PTPN9: variants seen among roughly 807,000 people sequenced by gnomAD.
The protein encoded by PTPN9 is tyrosine-protein phosphatase non-receptor type 9.
In PTPN9, 26 loss-of-function variants were observed where a neutral mutation model predicts 69.8. The ratio of observed to expected loss-of-function variants is 0.37; its 90% confidence interval spans 0.27 to 0.52. PTPN9 has a LOEUF of 0.52. PTPN9 is among the 20% of genes least tolerant of loss of function. The probability of loss-of-function intolerance (pLI) is 0.91; values close to 1 mark genes in which losing one functional copy is unlikely to be tolerated. For missense variants in PTPN9, 549 were observed against 740.3 expected (o/e 0.74, Z 3.00); for synonymous variants, 274 against 272.5 (o/e 1.01, Z -0.05).
At chr15:75,572,953 C>G (rs1249134015) in intron 1 of PTPN9, among the ~76,000 whole-genome samples, 1 of 152,104 alleles carries the variant, frequency 6.6e-6, no homozygotes, top group African/African-American at 2.4e-5. Context: ...TTTTCTGTAT[C>G]TTTTCATCTG....
At chr15:75,472,178 G>A (rs759802151) in intron 10 of PTPN9, among the ~76,000 whole-genome samples, 26 of 151,718 alleles carry the variant, frequency 1.7e-4, no homozygotes, top group Admixed American at 1.1e-3. Context: ...AAAATCTTCC[G>A]GCCAGGCGCG....
At chr15:75,537,926 G>A (rs1052919375) in intron 1 of PTPN9, among the ~76,000 whole-genome samples, 30 of 151,494 alleles carry the variant, frequency 2.0e-4, no homozygotes, top group African/African-American at 6.3e-4. Context: ...GTGTGTGGTG[G>A]TGCCTGCCTG....
At chr15:75,557,223 G>A (rs553271924) in intron 1 of PTPN9, among the ~76,000 whole-genome samples, 13 of 151,898 alleles carry the variant, frequency 8.6e-5, no homozygotes, top group Non-Finnish European at 1.5e-4. Context: ...TCAGGAGTTC[G>A]AGACCAGCCT....
chr15:75,565,112 A>T (rs766454224), intron 1 of PTPN9, among the ~76,000 whole-genome samples: 47 of 55,724 alleles, frequency 8.4e-4, no homozygotes, highest in Non-Finnish European at 1.1e-3. Context: ...AAAAATATAT[A>T]ATAATAATAA....
chr15:75,576,805 C>G (rs1318067004), intron 1 of PTPN9, among the ~76,000 whole-genome samples: 1 of 151,610 alleles, frequency 6.6e-6, no homozygotes, highest in African/African-American at 2.4e-5. Flanking sequence ...GAGGCTCTGT[C>G]TCAAAAAAAC....
chr15:75,520,031 G>C (rs2074894356), intron 4 of PTPN9, among the ~76,000 whole-genome samples: 1 of 152,170 alleles, frequency 6.6e-6, no homozygotes, highest in Non-Finnish European at 1.5e-5. Context: ...TTGGGAGACA[G>C]AGGCAGGAGG....
rs544310145 is a variant in PTPN9, at chr15:75,568,081, T to C, written c.63+10633A>G. 1.6e-4 allele frequency among the ~76,000 whole-genome samples: 25 copies of C among 152,296 alleles called. No individual in the cohort carries two copies. The East Asian group carries it at 4.8e-3, about 29-fold the overall frequency. ...GAAAAATCATCTCTAATCTACTGTT[T>C]CGGTCTTACCATTTTATAGTTTGGA... is the stretch of plus-strand genomic sequence containing the variant. On this transcript the variant is annotated intron_variant, in intron 1 of 12. Transcript: ENST00000618819.
At chr15:75,478,558 A>C (rs1264836279) in intron 9 of PTPN9, among the ~76,000 whole-genome samples, 1 of 152,206 alleles carries the variant, frequency 6.6e-6, no homozygotes, top group East Asian at 1.9e-4. Context: ...GGCGTGAGCC[A>C]CTGTGCCTGG....
chr15:75,554,307 G>C (rs888295362), intron 1 of PTPN9, among the ~76,000 whole-genome samples: 5 of 151,752 alleles, frequency 3.3e-5, no homozygotes, highest in African/African-American at 1.2e-4. Flanking sequence ...CGATTCTTCT[G>C]TCTCAGCCTC....
At chr15:75,539,825 C>T (rs1240462366) in intron 1 of PTPN9, among the ~76,000 whole-genome samples, 3 of 67,980 alleles carry the variant, frequency 4.4e-5, no homozygotes, top group Non-Finnish European at 3.0e-5. Flanking sequence ...GCGCGCACCA[C>T]CACGCCAGGC....
rs989917927 is a variant in PTPN9, at chr15:75,466,791, C to G, written c.*1978G>C. Reference sequence around the variant, plus strand: ...AATCACTGTAACCCTCTGGACCTCACCTTCCTCATCTATATAGAAATGAGA... The same window carrying G: ...AATCACTGTAACCCTCTGGACCTCAGCTTCCTCATCTATATAGAAATGAGA... On this transcript the variant is annotated 3_prime_UTR_variant, in exon 13 of 13. Transcript: ENST00000618819. 4.6e-5 allele frequency: 7 copies of G among 152,188 alleles called. No homozygotes were observed. In the East Asian group the frequency reaches 1.2e-3, roughly 25 times the overall value. 9.4% of individuals were successfully genotyped at this position (152,188 alleles called of 1,614,324 possible).
chr15:75,568,483 G>C (rs1167630593), intron 1 of PTPN9, among the ~76,000 whole-genome samples: 3 of 149,416 alleles, frequency 2.0e-5, no homozygotes, highest in African/African-American at 7.4e-5. Flanking sequence ...ACTCCAGTCT[G>C]GGTGACAGAG....
At chr15:75,547,325 A>T (rs146775535) in intron 1 of PTPN9, among the ~76,000 whole-genome samples, 28,302 of 143,808 alleles carry the variant, frequency 0.2, 3,237 homozygotes, top group Non-Finnish European at 0.26. Flanking sequence ...AAGGCCAGGC[A>T]CAGTGGCTCA....
At chr15:75,490,156 AG>A in intron 8 of PTPN9, 51 bp downstream of exon 8, 1 of 1,343,586 alleles carries the variant, frequency 7.4e-7, no homozygotes, top group Non-Finnish European at 1.1e-6. Context: ...TCACTTTGGA[AG>A]AAGCTCTATT....
chr15:75,509,061 T>C (rs770301604), intron 5 of PTPN9, 34 bp from the exon 6 acceptor site: 1 of 1,555,822 alleles, frequency 6.4e-7, no homozygotes, highest in African/African-American at 1.4e-5. Context: ...TTAAGTGTAA[T>C]GGAACCTGTG....
intron 1 of PTPN9, among the ~76,000 whole-genome samples, chr15:75,528,926 T>C (rs1328605975): frequency 6.6e-6 from 1 of 151,672 alleles, no homozygotes; most frequent in Non-Finnish European, 1.5e-5. Flanking sequence ...GGTCTTGAAC[T>C]CCAGTGCTCA....
intron 1 of PTPN9, among the ~76,000 whole-genome samples, chr15:75,540,919 A>G (rs2075005614): frequency 6.6e-6 from 1 of 151,838 alleles, no homozygotes; most frequent in South Asian, 2.1e-4. Context: ...CTCTAAAAAA[A>G]AAATTAAAAA....
chr15:75,473,727 T>TA lies in PTPN9; in HGVS notation c.1169dup (p.Trp391MetfsTer15), dbSNP rs771858912. 6.3e-7 allele frequency: 1 copy of TA among 1,587,826 alleles called. No homozygotes were observed. The highest frequency in any genetic ancestry group is 8.6e-7 in the Non-Finnish European group (1 of 1,156,228). On this transcript the variant is annotated frameshift_variant, in exon 10 of 13. Coordinates refer to ENST00000618819, the MANE Select transcript of PTPN9 (RefSeq NM_002833.4). LOFTEE classifies it high-confidence loss of function. The stretch of plus-strand genomic sequence containing the variant: ...CAATCACCAAGACTTTTTGCTCCCA[T>TA]ACCATGAGCCAGAAATCACGATAGG...
At chr15:75,542,831 C>G (rs1239730367) in intron 1 of PTPN9, among the ~76,000 whole-genome samples, 1 of 151,448 alleles carries the variant, frequency 6.6e-6, no homozygotes, top group Admixed American at 6.6e-5. Flanking sequence ...AATTCAATCC[C>G]TTCATTTTTT....
Sources: allele counts gnomAD v4.1 joint callset (sites outside exome capture counted in the v4.1 genomes callset), GRCh38; gene constraint gnomAD v4.1.1; transcripts MANE v1.5; gene names NCBI Gene and HGNC (gene_info 2026-07-23, HGNC 2026-07-21).